The following GRID1 variants were observed in gnomAD, a reference collection of about 807,000 sequenced individuals.
The protein encoded by GRID1 is glutamate ionotropic receptor delta type subunit 1, also known as glutamate receptor ionotropic, delta-1.
A neutral mutation model predicts 98.0 loss-of-function variants in GRID1; 28 were observed. The ratio of observed to expected loss-of-function variants is 0.29; its 90% CI spans 0.21 to 0.39. GRID1 has a LOEUF of 0.39. GRID1 is among the 10% of genes least tolerant of loss of function. The pLI, the probability that GRID1 is intolerant of heterozygous loss-of-function variation, is 1.00. For synonymous variants in GRID1, 553 were observed against 538.5 expected (o/e 1.03, Z -0.37); for missense variants, 1,111 against 1,340.5 (o/e 0.83, Z 2.67).
chr10:85,854,368 G>A, intron 8 of GRID1, 128 bp downstream of exon 8: 1 of 834,474 alleles, frequency 1.2e-6, no homozygotes, highest in Non-Finnish European at 1.9e-6. Context: ...AGCATCAGCA[G>A]AGAGAGACTA....
At chr10:86,048,623 G>A (rs1285079940) in intron 4 of GRID1, among the ~76,000 whole-genome samples, 1 of 152,222 alleles carries the variant, frequency 6.6e-6, no homozygotes, top group Non-Finnish European at 1.5e-5. Context: ...TGATGCTAAA[G>A]GCCTCTCCCC....
At chr10:86,249,424 A>G (rs1400298983) in intron 2 of GRID1, among the ~76,000 whole-genome samples, 1 of 152,176 alleles carries the variant, frequency 6.6e-6, no homozygotes, top group Non-Finnish European at 1.5e-5. Context: ...CATCCTCTCC[A>G]GTCTCTGACA....
At chr10:86,290,569 CT>C (rs1269476768) in intron 2 of GRID1, among the ~76,000 whole-genome samples, 1 of 152,112 alleles carries the variant, frequency 6.6e-6, no homozygotes, top group African/African-American at 2.4e-5. Flanking sequence ...AGGAAAATTG[CT>C]TAAACCCAGG....
chr10:86,233,070 G>C (rs1004834535), intron 2 of GRID1, among the ~76,000 whole-genome samples: 1 of 152,118 alleles, frequency 6.6e-6, no homozygotes, highest in East Asian at 1.9e-4. Context: ...CTTCAGCCAG[G>C]CCTTTGCAGG....
Position 85,612,981 on chromosome 10 carries a change from C to T in GRID1, c.2601+426G>A, listed in dbSNP as rs147463329. On this transcript the variant is annotated intron_variant, in intron 15 of 15. Transcript: ENST00000327946. ...TGGGAGGGACAGGGATCCCCTGATG[C>T]GCTGGGAGAGCAGCGCCCTGTGTCC... 599 of 162,508 alleles carry T rather than the reference C, an allele frequency of 3.7e-3. 7 individuals are homozygous for T. Among genetic ancestry groups the T allele is most frequent in the African/African-American group, 0.014 (570 of 41,698 alleles). The allele number at this position is 162,508 out of a possible 1,614,324, so 10.1% of individuals were successfully genotyped here.
intron 2 of GRID1, among the ~76,000 whole-genome samples, chr10:86,358,409 G>A (rs1478489738): frequency 6.6e-6 from 1 of 152,110 alleles, no homozygotes; most frequent in Non-Finnish European, 1.5e-5. Context: ...CTGTGAATAT[G>A]TTAGGCTACA....
At chr10:86,268,997 A>T (rs1847146017) in intron 2 of GRID1, among the ~76,000 whole-genome samples, 1 of 151,694 alleles carries the variant, frequency 6.6e-6, no homozygotes, top group South Asian at 2.1e-4. Flanking sequence ...CTCAAAAAAA[A>T]ATGAAAAGAA....
chr10:85,733,076 T>A (rs568036205), intron 8 of GRID1, among the ~76,000 whole-genome samples: 2 of 152,190 alleles, frequency 1.3e-5, no homozygotes, highest in African/African-American at 4.8e-5. Context: ...AGAATGTCAA[T>A]AGATCCATAA....
chr10:85,955,308 A>G (rs1429130601), intron 4 of GRID1, among the ~76,000 whole-genome samples: 1 of 152,198 alleles, frequency 6.6e-6, no homozygotes, highest in Non-Finnish European at 1.5e-5. Context: ...ATGATTAAAC[A>G]ACATATGGAG....
intron 5 of GRID1, among the ~76,000 whole-genome samples, chr10:85,891,887 A>T (rs1251277970): frequency 6.6e-6 from 1 of 152,110 alleles, no homozygotes; most frequent in African/African-American, 2.4e-5. Context: ...ATATGTCAAT[A>T]TCCTCAATCA....
chr10:86,031,630 C>T (rs558887029), intron 4 of GRID1, among the ~76,000 whole-genome samples: 3 of 152,034 alleles, frequency 2.0e-5, no homozygotes, highest in African/African-American at 7.3e-5. Context: ...CCTCTGCCCC[C>T]CCTCATCAAA....
chr10:85,721,667 T>C (rs1841704032), intron 12 of GRID1, among the ~76,000 whole-genome samples: 1 of 152,206 alleles, frequency 6.6e-6, no homozygotes, highest in Non-Finnish European at 1.5e-5. Context: ...GTACAATTAA[T>C]GGTTGCCAGA....
At chr10:86,136,242 G>A (rs2131970111) in intron 4 of GRID1, among the ~76,000 whole-genome samples, 1 of 152,330 alleles carries the variant, frequency 6.6e-6, no homozygotes, top group South Asian at 2.1e-4. Context: ...GATAGCTCAT[G>A]TTTACTCCAG....
intron 2 of GRID1, among the ~76,000 whole-genome samples, chr10:86,221,892 C>CCTCTTT: frequency 1.5e-5 from 1 of 68,510 alleles, no homozygotes; most frequent in Non-Finnish European, 3.4e-5. Context: ...TCCCCCTCCT[C>CCTCTTT]CTCCTTCTCC....
At chr10:86,279,070 T>A (rs1270167433) in intron 2 of GRID1, among the ~76,000 whole-genome samples, 2 of 152,170 alleles carry the variant, frequency 1.3e-5, no homozygotes, top group Non-Finnish European at 2.9e-5. Context: ...GGAGGTGGGA[T>A]CTTTGGAAGG....
intron 4 of GRID1, among the ~76,000 whole-genome samples, chr10:86,003,574 A>T (rs901528919): frequency 6.6e-6 from 1 of 152,204 alleles, no homozygotes; most frequent in Non-Finnish European, 1.5e-5. Context: ...CCACTCGTGG[A>T]GCCCAGGTGT....
At chr10:86,306,447 T>C (rs1312957890) in intron 2 of GRID1, among the ~76,000 whole-genome samples, 2 of 152,204 alleles carry the variant, frequency 1.3e-5, no homozygotes, top group East Asian at 3.8e-4. Flanking sequence ...CCTTATCTGA[T>C]TCAAGGAGAC....
intron 8 of GRID1, among the ~76,000 whole-genome samples, chr10:85,784,561 T>G (rs890651183): frequency 6.6e-6 from 1 of 152,240 alleles, no homozygotes; most frequent in Admixed American, 6.5e-5. Context: ...CCAAGTGGGA[T>G]GCTTACTGCA....
At chr10:86,078,872 A>G (rs1335927241) in intron 4 of GRID1, among the ~76,000 whole-genome samples, 1 of 152,228 alleles carries the variant, frequency 6.6e-6, no homozygotes, top group Non-Finnish European at 1.5e-5. Context: ...GGAGCCAGCA[A>G]GGGTTTCCTC....
Sources: gnomAD v4.1 joint callset for allele counts (sites outside exome capture counted in the v4.1 genomes callset) on GRCh38, gnomAD v4.1.1 for gene constraint, MANE v1.5 for transcripts, NCBI Gene and HGNC (gene_info 2026-07-23, HGNC 2026-07-21) for gene names.